Variants in KIFC3 observed in about 807,000 individuals in gnomAD.
KIFC3 encodes the protein kinesin family member C3, also known as kinesin-like protein KIFC3.
KIFC3 carries 60 observed loss-of-function variants against 101.8 expected under a neutral mutation model. The ratio of observed to expected loss-of-function variants is 0.59; its 90% CI spans 0.48 to 0.73. The LOEUF (loss-of-function observed/expected upper bound fraction) is 0.73, where lower values mean the gene tolerates loss of function less well. Among genes scored for constraint, KIFC3 ranks in the 30% least tolerant of loss-of-function variants. The pLI, the probability that KIFC3 is intolerant of heterozygous loss-of-function variation, is 0.00. For missense variants in KIFC3, 966 were observed against 1,137.1 expected (o/e 0.85, Z 2.16); for synonymous variants, 476 against 482.7 (o/e 0.99, Z 0.18).
At chr16:57,816,230 C>T (rs781809351) in intron 1 of KIFC3, 6 of 1,288,098 alleles carry the variant, frequency 4.7e-6, no homozygotes, top group Middle Eastern at 2.1e-4. Context: ...GTGAGAAAAC[C>T]GAGGCCCGGA....
chr16:57,774,873 C>T lies in KIFC3; in HGVS notation c.316-2585G>A, dbSNP rs2051830582. On this transcript the variant is annotated intron_variant, in intron 3 of 19. Transcript: ENST00000445690. Reference sequence around the variant, plus strand: ...AATACGTAATTCCTACTCTCCCTACCCTGACATAAGTGAACTGACTTCCTC... The same window carrying T: ...AATACGTAATTCCTACTCTCCCTACTCTGACATAAGTGAACTGACTTCCTC... 7.2e-6 allele frequency: 10 copies of T among 1,390,492 alleles called. No homozygotes were observed. The South Asian group carries it at 8.0e-5, about 11-fold the overall frequency. The allele number at this position is 1,390,492 out of a possible 1,614,324, so 86.1% of individuals were successfully genotyped here.
chr16:57,791,303 C>T (rs1555620232), intron 3 of KIFC3, among the ~76,000 whole-genome samples: 1 of 152,226 alleles, frequency 6.6e-6, no homozygotes, highest in Non-Finnish European at 1.5e-5. Flanking sequence ...CCATCGCGAG[C>T]AGGCTTGTGA....
In KIFC3 at chr16:57,802,384, C is replaced by CCTGG; in HGVS notation, c.-55_-54insCCAG. 1.0e-6 allele frequency: 1 copy of CCTGG among 983,582 alleles called. No homozygotes were observed. The highest frequency in any genetic ancestry group is 1.2e-6 in the Non-Finnish European group (1 of 829,266). The allele number at this position is 983,582 out of a possible 1,614,324, so 60.9% of individuals were successfully genotyped here. On this transcript the variant is annotated 5_prime_UTR_variant, in exon 1 of 20. Transcript: ENST00000445690. This position sits in a 1 kb window ranked among gnomAD's most constrained non-coding sequence, Gnocchi z 5.0. ...CCCCCACTCACCGGCCTGGCGGAGG[C>CCTGG]AGGATCCAGGCGTCGCCGCAGCGCC...
intron 1 of KIFC3, chr16:57,815,331 A>G: frequency 1.5e-6 from 1 of 676,104 alleles, no homozygotes; most frequent in Non-Finnish European, 2.0e-6. Flanking sequence ...TAACCAGAGT[A>G]GCTCCGGGTT....
Position 57,811,731 on chromosome 16 carries a change from C to T in KIFC3, c.109-13449G>A, listed in dbSNP as rs146576706. ...AGGAGTTCGAGACCAGCCTGGCCCA[C>T]ATGGTGAAACCCTGTCTCTACTAAA... On this transcript the variant is annotated intron_variant, in intron 1 of 2. Coordinates refer to the KIFC3 transcript ENST00000563028. Among the ~76,000 whole-genome samples, 72 of 152,072 alleles carry T rather than the reference C, an allele frequency of 4.7e-4. No individual in the cohort carries two copies. The East Asian group carries it at 0.012, about 26-fold the overall frequency.
chr16:57,765,722 A>G (rs945272733), intron 10 of KIFC3, 82 bp from the exon 11 acceptor site: 1 of 1,378,224 alleles, frequency 7.3e-7, no homozygotes, highest in Admixed American at 2.3e-5. Flanking sequence ...TCCCAGGCAG[A>G]CTAGTTGACC....
At chr16:57,762,052 G>A (rs991166862) in intron 13 of KIFC3, 88 bp downstream of exon 13, 2 of 1,445,430 alleles carry the variant, frequency 1.4e-6, no homozygotes, top group Admixed American at 4.4e-5. Flanking sequence ...CATACTGGGG[G>A]TCCCACCTGA....
At chr16:57,834,593 C>A (rs894245221) in intron 1 of KIFC3, among the ~76,000 whole-genome samples, 2 of 152,118 alleles carry the variant, frequency 1.3e-5, no homozygotes, top group Non-Finnish European at 2.9e-5. Context: ...CTCACTGTAG[C>A]CTCAACCCCC....
chr16:57,787,128 G>A (rs192752915), intron 3 of KIFC3, among the ~76,000 whole-genome samples: 232 of 152,370 alleles, frequency 1.5e-3, no homozygotes, highest in Non-Finnish European at 2.6e-3. Flanking sequence ...CTGCACACGG[G>A]GCAGCATGAG....
rs532664821 is a variant in KIFC3 at position 57,838,400 on chromosome 16, A to G, written c.108+24329T>C. On this transcript the variant is annotated intron_variant, in intron 1 of 2. Transcript: ENST00000563028. ...TTGAGGATGACACACATGGAATACT[A>G]AACATATCCCGGGAGTTCCAGACAC... 2.5e-3 allele frequency among the ~76,000 whole-genome samples: 380 copies of G among 152,260 alleles called. 1 individual carries two copies. Among genetic ancestry groups the G allele is most frequent in the Non-Finnish European group, 4.1e-3 (280 of 68,016 alleles).
rs562978971 is a variant in KIFC3, at chr16:57,854,641, A to G, written c.108+8088T>C. On this transcript the variant is annotated intron_variant, in intron 1 of 2. Transcript: ENST00000563028. ...AGACTCCGTCTCAGAAAAAAAAAAA[A>G]AAAGAAAGAAAGAAAATTACCACAG... Among the ~76,000 whole-genome samples the G allele has an allele frequency of 4.8e-3, 732 of 151,312 alleles. 4 individuals are homozygous for G. The highest frequency in any genetic ancestry group is 6.6e-3 in the Admixed American group (100 of 15,202).
Position 57,762,204 on chromosome 16 carries a change from T to C in KIFC3, c.1684A>G (p.Lys562Glu), listed in dbSNP as rs1555598642. The change falls in exon 13 of 20, where the codon AAG (lysine) becomes GAG (glutamate). Residue 562 changes from lysine (K) to glutamate (E), a missense_variant. Lys to Glu is a moderately conservative substitution (Grantham distance 56). Coordinates refer to ENST00000445690, the MANE Select transcript of KIFC3 (RefSeq NM_001130100.2). ...LQLLFSEVQE[K>E]ASDWEYTITV... Reference sequence around the variant, plus strand: ...ATGGTGTACTCCCAGTCAGACGCCTTCTCCTGCACCTCGGAGAAGAGCAGC... The same window carrying C: ...ATGGTGTACTCCCAGTCAGACGCCTCCTCCTGCACCTCGGAGAAGAGCAGC... 3 of 1,610,854 alleles carry C rather than the reference T, an allele frequency of 1.9e-6. No individual in the cohort carries two copies. The Admixed American group carries it at 5.0e-5, about 27-fold the overall frequency.
chr16:57,769,777 G>T lies in KIFC3; in HGVS notation c.1087+31C>A, dbSNP rs995290235. 1 of 1,612,744 alleles carries T rather than the reference G, an allele frequency of 6.2e-7. No individual in the cohort carries two copies. On this transcript the variant is annotated intron_variant, in intron 8 of 19. Transcript: ENST00000445690. This position sits in a 1 kb window ranked among gnomAD's most constrained non-coding sequence, Gnocchi z 4.3. Reference sequence around the variant, plus strand: ...GGGAGGGGATGAGGGGCCGCGGCGTGGGGCAGACAGGGCCCAGCTGGTCAG... The same window carrying T: ...GGGAGGGGATGAGGGGCCGCGGCGTTGGGCAGACAGGGCCCAGCTGGTCAG...
intron 1 of KIFC3, among the ~76,000 whole-genome samples, chr16:57,818,978 C>G (rs570887410): frequency 6.6e-6 from 1 of 152,312 alleles, no homozygotes; most frequent in Admixed American, 6.5e-5. Context: ...AGGGGGCCCT[C>G]ACAGCTCACA....
intron 1 of KIFC3, among the ~76,000 whole-genome samples, chr16:57,829,957 G>GA (rs2055539898): frequency 1.3e-5 from 2 of 152,198 alleles, no homozygotes. Flanking sequence ...GGCAAGCCGG[G>GA]AAACATGCTT....
intron 1 of KIFC3, among the ~76,000 whole-genome samples, chr16:57,811,864 G>A (rs936497314): frequency 8.1e-5 from 12 of 148,724 alleles, no homozygotes; most frequent in Non-Finnish European, 1.3e-4. Context: ...GCAGTGAGCC[G>A]AGATTGTGAT....
At position 57,835,463 on chromosome 16, in the gene KIFC3, T is replaced by TTAATATAATA. The variant is rs1567331064; in HGVS notation, c.108+27256_108+27265dup. 3.3e-5 allele frequency among the ~76,000 whole-genome samples: 5 copies of TTAATATAATA among 152,336 alleles called. No individual in the cohort carries two copies. In the South Asian group the frequency reaches 8.3e-4, roughly 25 times the overall value. Reference sequence around the variant, plus strand: ...TGTGGATTTCCTGTAGTGACCAATATTAATATAATAGGAGTGAACATCTAC... The same window carrying TTAATATAATA: ...TGTGGATTTCCTGTAGTGACCAATATTAATATAATATAATATAATAGGAGTGAACATCTAC... On this transcript the variant is annotated intron_variant, in intron 1 of 2. Coordinates refer to the KIFC3 transcript ENST00000563028.
intron 3 of KIFC3, among the ~76,000 whole-genome samples, chr16:57,789,268 C>G (rs1490691108): frequency 3.9e-5 from 6 of 152,218 alleles, no homozygotes; most frequent in African/African-American, 1.4e-4. Context: ...ACAGGGCTAT[C>G]GAGAGGCCAT....
intron 1 of KIFC3, chr16:57,813,928 G>A (rs575715607): frequency 4.6e-6 from 4 of 865,650 alleles, no homozygotes; most frequent in Admixed American, 6.2e-5. Context: ...TAGGGGCTGT[G>A]CAGTCACTCC....
Sources: allele counts gnomAD v4.1 joint callset (sites outside exome capture counted in the v4.1 genomes callset), GRCh38; gene constraint gnomAD v4.1.1; non-coding constraint Gnocchi (gnomAD v3.1); transcripts MANE v1.5; gene names NCBI Gene and HGNC (gene_info 2026-07-23, HGNC 2026-07-21).